TPP2: variants seen among roughly 807,000 people sequenced by gnomAD.
The protein encoded by TPP2 is tripeptidyl peptidase 2.
In TPP2, 34 loss-of-function variants were observed where a neutral mutation model predicts 155.9. The observed-to-expected ratio is 0.22, with a 90% CI of 0.17 to 0.29. TPP2 has a LOEUF of 0.29. Ranked by LOEUF, TPP2 falls within the 10% of genes least tolerant of loss-of-function variation. The pLI, the probability that TPP2 is intolerant of heterozygous loss-of-function variation, is 1.00. For missense variants in TPP2, 1,028 were observed against 1,522.3 expected, an observed-to-expected ratio of 0.68 and a Z score of 5.40; for synonymous variants, 510 against 529.4, an observed-to-expected ratio of 0.96 and a Z score of 0.50.
intron 13 of TPP2, 30 bp from the exon 14 acceptor site, chr13:102,637,052 A>AT: frequency 6.4e-7 from 1 of 1,558,574 alleles, no homozygotes; most frequent in East Asian, 2.3e-5. Flanking sequence ...AAAAATACTC[A>AT]TCTTTAATTT....
chr13:102,622,018 C>T (rs1046303910), intron 5 of TPP2, among the ~76,000 whole-genome samples: 4 of 152,176 alleles, frequency 2.6e-5, no homozygotes, highest in African/African-American at 9.7e-5. Flanking sequence ...TTACATCAGT[C>T]ATATTAGGGC....
At chr13:102,633,242 G>GT (rs1173260828) in intron 10 of TPP2, among the ~76,000 whole-genome samples, 1 of 152,160 alleles carries the variant, frequency 6.6e-6, no homozygotes, top group Non-Finnish European at 1.5e-5. Context: ...GACTTTGCTT[G>GT]TTTGAAGCCC....
In TPP2 at chr13:102,670,024, G is replaced by C. The variant is rs144674075; in HGVS notation, c.3372-4259G>C. On this transcript the variant is annotated intron_variant, in intron 27 of 29. Transcript: ENST00000376052. The stretch of plus-strand genomic sequence containing the variant: ...TGGCTGAGCAGGAAAGGTCTCTAGG[G>C]CCAGTATTAAGGCTCCAACCTCAGC... Among the ~76,000 whole-genome samples the C allele has an allele frequency of 3.1e-4, 47 of 152,252 alleles. No homozygotes were observed. The East Asian group carries it at 8.5e-3, about 28-fold the overall frequency.
At chr13:102,652,197 G>A (rs1375316065) in intron 24 of TPP2, among the ~76,000 whole-genome samples, 1 of 151,956 alleles carries the variant, frequency 6.6e-6, no homozygotes, top group Non-Finnish European at 1.5e-5. Flanking sequence ...GCAGCATGGT[G>A]AAACCCTGTC....
intron 27 of TPP2, 75 bp from the exon 28 acceptor site, chr13:102,674,208 A>G: frequency 1.4e-6 from 2 of 1,453,974 alleles, no homozygotes; most frequent in South Asian, 1.3e-5. Flanking sequence ...GAATACATGA[A>G]TTTAAATTCA....
chr13:102,609,392 C>CCTTT (rs1880095518), intron 2 of TPP2, among the ~76,000 whole-genome samples: 1 of 79,840 alleles, frequency 1.3e-5, no homozygotes, highest in Non-Finnish European at 2.2e-5. Flanking sequence ...AAGTGCCATG[C>CCTTT]TTTTTTTTTT....
chr13:102,625,004 C>T (rs1171317657), intron 6 of TPP2, among the ~76,000 whole-genome samples: 5 of 150,336 alleles, frequency 3.3e-5, no homozygotes, highest in Admixed American at 6.6e-5. Context: ...GGATTACAGG[C>T]GCGTACCACC....
At chr13:102,637,049 C>G (rs1313095986) in intron 13 of TPP2, 33 bp from the exon 14 acceptor site, 3 of 1,542,478 alleles carry the variant, frequency 1.9e-6, no homozygotes, top group Non-Finnish European at 2.6e-6. Flanking sequence ...GAAAAAAATA[C>G]TCATCTTTAA....
intron 10 of TPP2, among the ~76,000 whole-genome samples, chr13:102,631,915 C>T (rs1218154625): frequency 2.6e-5 from 4 of 152,224 alleles, no homozygotes; most frequent in Admixed American, 2.6e-4. Flanking sequence ...TACTGACTTC[C>T]AGGCATTTGC....
chr13:102,649,369 C>A (rs778756093), intron 22 of TPP2, 39 bp from the exon 23 acceptor site: 1 of 1,577,460 alleles, frequency 6.3e-7, no homozygotes, highest in Non-Finnish European at 8.6e-7. Flanking sequence ...GAAACTTTCT[C>A]TTTTGTTGCT....
At chr13:102,619,888 A>C (rs1052285311) in intron 5 of TPP2, among the ~76,000 whole-genome samples, 1 of 152,202 alleles carries the variant, frequency 6.6e-6, no homozygotes, top group African/African-American at 2.4e-5. Context: ...TACATCCACC[A>C]TCTGGGGTAA....
intron 24 of TPP2, 168 bp from the exon 25 acceptor site, chr13:102,656,888 T>C: frequency 1.9e-6 from 1 of 523,690 alleles, no homozygotes; most frequent in South Asian, 3.4e-5. Flanking sequence ...AGAAAATTAC[T>C]GTGACCAGAG....
At chr13:102,622,398 A>G (rs1476474473) in intron 5 of TPP2, among the ~76,000 whole-genome samples, 1 of 152,240 alleles carries the variant, frequency 6.6e-6, no homozygotes, top group Non-Finnish European at 1.5e-5. Flanking sequence ...AGTAATGTAG[A>G]AAATGCCTTC....
chr13:102,652,278 G>T (rs867945657), intron 24 of TPP2, among the ~76,000 whole-genome samples: 14 of 151,940 alleles, frequency 9.2e-5, no homozygotes, highest in Middle Eastern at 3.4e-3. Context: ...TCTATTGGAG[G>T]CTGAGGTGGA....
intron 4 of TPP2, among the ~76,000 whole-genome samples, chr13:102,617,393 A>T (rs1048670667): frequency 2.0e-5 from 3 of 152,178 alleles, no homozygotes; most frequent in African/African-American, 7.2e-5. Flanking sequence ...TCTCTAAGTC[A>T]CCTGAATTAT....
chr13:102,664,397 C>T (rs1050729548), intron 26 of TPP2, among the ~76,000 whole-genome samples: 1 of 151,246 alleles, frequency 6.6e-6, no homozygotes, highest in African/African-American at 2.4e-5. Flanking sequence ...CTAGGGCTTT[C>T]TTTTTTTTTC....
intron 25 of TPP2, 142 bp from the exon 26 acceptor site, chr13:102,663,506 C>T (rs570052475): frequency 4.0e-5 from 23 of 579,120 alleles, no homozygotes; most frequent in Middle Eastern, 4.7e-4. Context: ...TAATGATAAT[C>T]CTTGTCAATG....
chr13:102,621,647 A>G (rs566040215), intron 5 of TPP2, among the ~76,000 whole-genome samples: 1 of 152,300 alleles, frequency 6.6e-6, no homozygotes, highest in East Asian at 1.9e-4. Flanking sequence ...AAGACATGGA[A>G]GGTTTTCAGC....
At chr13:102,652,263 G>A (rs907930763) in intron 24 of TPP2, among the ~76,000 whole-genome samples, 4 of 151,840 alleles carry the variant, frequency 2.6e-5, no homozygotes, top group Non-Finnish European at 5.9e-5. Flanking sequence ...TATAGTCCCA[G>A]CTACTCTATT....
Sources: allele counts gnomAD v4.1 joint callset (sites outside exome capture counted in the v4.1 genomes callset), GRCh38; gene constraint gnomAD v4.1.1; transcripts MANE v1.5; gene names NCBI Gene and HGNC (gene_info 2026-07-23, HGNC 2026-07-21).